Variants in PDGFD observed in about 807,000 individuals in gnomAD.
PDGFD encodes the protein platelet derived growth factor D, also known as platelet-derived growth factor D.
PDGFD carries 30 observed loss-of-function variants against 44.7 expected under a neutral mutation model. That is an observed-to-expected ratio of 0.67 (90% CI 0.50 to 0.91). The LOEUF is 0.91. PDGFD is among the 40% of genes least tolerant of loss of function. The probability of loss-of-function intolerance (pLI) is 0.00; values close to 1 mark genes in which losing one functional copy is unlikely to be tolerated. For synonymous variants in PDGFD, 173 were observed against 168.4 expected (o/e 1.03, Z -0.21); for missense variants, 445 against 457.8 (o/e 0.97, Z 0.25).
intron 1 of PDGFD, among the ~76,000 whole-genome samples, chr11:104,009,934 A>T (rs1279105418): frequency 6.6e-6 from 1 of 152,128 alleles, no homozygotes; most frequent in African/African-American, 2.4e-5. Context: ...TTCACTAAGG[A>T]ATTTTTGGTT....
intron 1 of PDGFD, among the ~76,000 whole-genome samples, chr11:104,082,768 G>A (rs923035362): frequency 5.3e-5 from 8 of 151,964 alleles, no homozygotes; most frequent in African/African-American, 1.9e-4. Flanking sequence ...AGTAGCTAGG[G>A]CTACAGATGC....
intron 1 of PDGFD, among the ~76,000 whole-genome samples, chr11:104,080,257 T>C (rs1861025060): frequency 1.3e-5 from 2 of 152,198 alleles, no homozygotes; most frequent in Admixed American, 1.3e-4. Flanking sequence ...CAGTCTTTCA[T>C]TAATCCCAAC....
chr11:104,088,103 T>C (rs1861160641), intron 1 of PDGFD, among the ~76,000 whole-genome samples: 1 of 152,200 alleles, frequency 6.6e-6, no homozygotes, highest in African/African-American at 2.4e-5. Context: ...CACTAATAAA[T>C]AGTTTCTTGA....
chr11:104,007,022 C>T (rs1246764761), intron 1 of PDGFD, among the ~76,000 whole-genome samples: 2 of 152,162 alleles, frequency 1.3e-5, no homozygotes, highest in Non-Finnish European at 2.9e-5. Flanking sequence ...TTGGGAGTTG[C>T]AGATACCCAC....
intron 3 of PDGFD, among the ~76,000 whole-genome samples, chr11:103,974,024 C>A (rs1203521980): frequency 6.6e-6 from 1 of 152,014 alleles, no homozygotes; most frequent in Admixed American, 6.6e-5. Flanking sequence ...GAATTACAAT[C>A]CTGCAGGCAG....
Position 104,119,131 on chromosome 11 carries a change from T to TATATTA in PDGFD, c.124+44672_124+44673insTAATAT, listed in dbSNP as rs1565340543. On this transcript the variant is annotated intron_variant, in intron 1 of 6. Transcript: ENST00000393158. ...ATATTAATATAATATATTGATATAA[T>TATATTA]ATATAATATATTAATATAATATATT... Among the ~76,000 whole-genome samples the TATATTA allele has an allele frequency of 8.0e-4, 43 of 53,738 alleles. 1 individual carries two copies. The highest frequency in any genetic ancestry group is 1.4e-3 in the East Asian group (2 of 1,440). The allele number at this position is 53,738 out of a possible 152,430, so 35.3% of individuals were successfully genotyped here.
chr11:103,934,276 G>A (rs1858453244), intron 5 of PDGFD, among the ~76,000 whole-genome samples: 1 of 152,190 alleles, frequency 6.6e-6, no homozygotes. Context: ...CTCTCAGTAG[G>A]TATGCCCACA....
chr11:103,970,856 T>G (rs1859093255), intron 3 of PDGFD, among the ~76,000 whole-genome samples: 1 of 152,106 alleles, frequency 6.6e-6, no homozygotes, highest in Non-Finnish European at 1.5e-5. Flanking sequence ...TCTACAAAGT[T>G]TTCCCAATAG....
chr11:104,089,702 C>A (rs1416148513), intron 1 of PDGFD, among the ~76,000 whole-genome samples: 1 of 152,086 alleles, frequency 6.6e-6, no homozygotes, highest in Non-Finnish European at 1.5e-5. Context: ...CCAAGAAAAG[C>A]ACCCAGACTT....
In PDGFD at chr11:103,909,893, C is replaced by T. The variant is rs538691186; in HGVS notation, c.988-74G>A. 627 of 1,574,188 alleles carry T rather than the reference C, an allele frequency of 4.0e-4. 6 individuals are homozygous for T. In the Middle Eastern group the frequency reaches 8.6e-3, roughly 22 times the overall value. On this transcript the variant is annotated intron_variant, in intron 6 of 6. Coordinates refer to ENST00000393158, the MANE Select transcript of PDGFD (RefSeq NM_025208.5). ...CAGTCAGATGCCACCTACTTATTAC[C>T]TTTTTGACAACTAGTTCTTAGCCCT...
intron 5 of PDGFD, among the ~76,000 whole-genome samples, chr11:103,942,190 G>A (rs1858594734): frequency 6.6e-6 from 1 of 152,078 alleles, no homozygotes; most frequent in Non-Finnish European, 1.5e-5. Flanking sequence ...ATATTTCAAA[G>A]TGCAGGAAAC....
At chr11:104,082,750 G>A (rs1289675702) in intron 1 of PDGFD, among the ~76,000 whole-genome samples, 1 of 152,006 alleles carries the variant, frequency 6.6e-6, no homozygotes. Flanking sequence ...TTTTGCCTCA[G>A]CATCCCAAGT....
intron 1 of PDGFD, among the ~76,000 whole-genome samples, chr11:104,088,743 A>G (rs1861169676): frequency 6.6e-6 from 1 of 152,200 alleles, no homozygotes; most frequent in Non-Finnish European, 1.5e-5. Flanking sequence ...AAGGTCAACT[A>G]GATCAGACTC....
intron 3 of PDGFD, among the ~76,000 whole-genome samples, chr11:103,955,929 C>T (rs1201186486): frequency 6.6e-6 from 1 of 152,044 alleles, no homozygotes; most frequent in Non-Finnish European, 1.5e-5. Flanking sequence ...TGCTAGGATT[C>T]ATTAATCAAT....
At chr11:103,941,962 GA>G (rs1858591154) in intron 5 of PDGFD, among the ~76,000 whole-genome samples, 1 of 152,000 alleles carries the variant, frequency 6.6e-6, no homozygotes, top group African/African-American at 2.4e-5. Flanking sequence ...TCTTTAAATT[GA>G]ATCCAATCTG....
chr11:104,124,697 T>C (rs1419572872), intron 1 of PDGFD, among the ~76,000 whole-genome samples: 1 of 152,108 alleles, frequency 6.6e-6, no homozygotes, highest in African/African-American at 2.4e-5. Flanking sequence ...TTTTAAAATA[T>C]TGCCTCTAGT....
At chr11:104,106,677 C>T (rs1488241928) in intron 1 of PDGFD, among the ~76,000 whole-genome samples, 1 of 151,656 alleles carries the variant, frequency 6.6e-6, no homozygotes, top group African/African-American at 2.4e-5. Flanking sequence ...GAAGCAAGTC[C>T]TCCTCATTAG....
chr11:104,132,779 T>C (rs528331739), intron 1 of PDGFD, among the ~76,000 whole-genome samples: 1 of 152,242 alleles, frequency 6.6e-6, no homozygotes, highest in African/African-American at 2.4e-5. Context: ...GTACAATTAG[T>C]TGATTTTTCA....
chr11:103,959,601 G>A (rs1858906503), intron 3 of PDGFD, among the ~76,000 whole-genome samples: 1 of 152,156 alleles, frequency 6.6e-6, no homozygotes, highest in African/African-American at 2.4e-5. Flanking sequence ...CTTGCTATCT[G>A]GGCCCATTAG....
Sources: gnomAD v4.1 joint callset for allele counts (sites outside exome capture counted in the v4.1 genomes callset) on GRCh38, gnomAD v4.1.1 for gene constraint, MANE v1.5 for transcripts, NCBI Gene and HGNC (gene_info 2026-07-23, HGNC 2026-07-21) for gene names.